DOCK1: variants seen among roughly 807,000 people sequenced by gnomAD.
The protein encoded by DOCK1 is dedicator of cytokinesis 1.
DOCK1 carries 138 observed loss-of-function variants against 262.7 expected under a neutral mutation model. That is an observed-to-expected ratio of 0.53 (90% CI 0.46 to 0.61). The LOEUF (loss-of-function observed/expected upper bound fraction) is 0.61, where lower values mean the gene tolerates loss of function less well. Among genes scored for constraint, DOCK1 ranks in the 20% least tolerant of loss-of-function variants. The pLI is 0.00. For missense variants in DOCK1, 1,908 were observed against 2,370.7 expected (o/e 0.80, Z 4.05); for synonymous variants, 866 against 867.4 (o/e 1.00, Z 0.03).
intron 1 of DOCK1, among the ~76,000 whole-genome samples, chr10:126,962,788 C>T (rs1371522209): frequency 6.6e-6 from 1 of 152,160 alleles, no homozygotes; most frequent in African/African-American, 2.4e-5. Flanking sequence ...ATATAATATC[C>T]AGTAAATCAT....
At chr10:127,077,299 G>T (rs1453171854) in intron 23 of DOCK1, among the ~76,000 whole-genome samples, 14 of 152,092 alleles carry the variant, frequency 9.2e-5, no homozygotes, top group Non-Finnish European at 1.9e-4. Flanking sequence ...GGAGACCGAG[G>T]TGGGAGAATC....
chr10:127,113,178 G>A lies in DOCK1; in HGVS notation c.2623+2824G>A, dbSNP rs543133209. 3.9e-5 allele frequency among the ~76,000 whole-genome samples: 6 copies of A among 152,150 alleles called. No homozygotes were observed. The South Asian group carries it at 1.2e-3, about 32-fold the overall frequency. ...GTACAAATGTGGTTGTTTTTGTCCT[G>A]TTTCCTGATCCCAGTGGAATCAGTC... On this transcript the variant is annotated intron_variant, in intron 25 of 51. Coordinates refer to ENST00000623213, the MANE Select transcript of DOCK1 (RefSeq NM_001290223.2).
chr10:127,189,096 G>T (rs1189670631), intron 27 of DOCK1, among the ~76,000 whole-genome samples: 1 of 152,192 alleles, frequency 6.6e-6, no homozygotes, highest in Admixed American at 6.5e-5. Context: ...GATGTGTTGT[G>T]CATGTGGATG....
At chr10:126,911,461 C>A (rs150408597) in intron 1 of DOCK1, among the ~76,000 whole-genome samples, 1 of 152,150 alleles carries the variant, frequency 6.6e-6, no homozygotes, top group Non-Finnish European at 1.5e-5. Flanking sequence ...GAAGGCTGAC[C>A]GGGCACATGC....
At chr10:127,059,592 A>C (rs995327703) in intron 22 of DOCK1, among the ~76,000 whole-genome samples, 12 of 152,122 alleles carry the variant, frequency 7.9e-5, no homozygotes, top group South Asian at 2.1e-4. Flanking sequence ...CCATCTAATA[A>C]ATTTTTAATT....
At chr10:126,964,791 G>A (rs2037535639) in intron 1 of DOCK1, among the ~76,000 whole-genome samples, 1 of 152,208 alleles carries the variant, frequency 6.6e-6, no homozygotes, top group Admixed American at 6.5e-5. Flanking sequence ...TATCTCCTTA[G>A]ATCAAAAAGA....
intron 23 of DOCK1, among the ~76,000 whole-genome samples, chr10:127,093,212 T>TTCTC (rs2047659414): frequency 8.0e-6 from 1 of 125,666 alleles, no homozygotes; most frequent in African/African-American, 3.6e-5. Flanking sequence ...CTTTCTTTCT[T>TTCTC]TCTTTCTTTT....
chr10:127,431,097 C>T (rs565957564), intron 47 of DOCK1, among the ~76,000 whole-genome samples: 53 of 151,934 alleles, frequency 3.5e-4, no homozygotes, highest in African/African-American at 1.2e-3. Context: ...CTCCGAGTGG[C>T]TCGGGGTTTT....
At chr10:127,139,043 T>C (rs962931047) in intron 27 of DOCK1, among the ~76,000 whole-genome samples, 6 of 152,180 alleles carry the variant, frequency 3.9e-5, no homozygotes, top group Non-Finnish European at 7.3e-5. Context: ...ACCTCTGCGT[T>C]CTGGGCCAGG....
intron 15 of DOCK1, chr10:127,025,366 T>A (rs1256097146): frequency 6.6e-6 from 1 of 152,160 alleles, no homozygotes; most frequent in Non-Finnish European, 1.5e-5. Flanking sequence ...ACAGGAAAGC[T>A]TTTTTGGCGC....
intron 43 of DOCK1, among the ~76,000 whole-genome samples, chr10:127,411,746 G>A (rs371955696): frequency 1.3e-5 from 2 of 152,030 alleles, no homozygotes; most frequent in African/African-American, 4.8e-5. Context: ...AGGCTGAGGC[G>A]GGAGAATCGC....
chr10:127,015,264 TC>T (rs2041779551), intron 12 of DOCK1: 1 of 152,054 alleles, frequency 6.6e-6, no homozygotes, highest in African/African-American at 2.4e-5. Context: ...TCTGTCTCTG[TC>T]TATGTGGCCT....
intron 1 of DOCK1, among the ~76,000 whole-genome samples, chr10:126,939,651 G>A (rs946608100): frequency 1.3e-5 from 2 of 152,074 alleles, no homozygotes; most frequent in South Asian, 2.1e-4. Flanking sequence ...GTGAGCCACC[G>A]CGCCTGACCC....
chr10:126,945,471 GGGAGA>G (rs2035326209), intron 1 of DOCK1, among the ~76,000 whole-genome samples: 1 of 151,288 alleles, frequency 6.6e-6, no homozygotes, highest in Non-Finnish European at 1.5e-5. Flanking sequence ...GAGAGAGAGA[GGGAGA>G]GAGAGAGAGA....
chr10:127,313,228 T>A (rs1287400586), intron 29 of DOCK1, among the ~76,000 whole-genome samples: 1 of 151,832 alleles, frequency 6.6e-6, no homozygotes, highest in African/African-American at 2.4e-5. Context: ...ACCCCTCACC[T>A]CCCCTCAGAG....
intron 27 of DOCK1, among the ~76,000 whole-genome samples, chr10:127,194,968 C>CA (rs534342016): frequency 1.3e-5 from 2 of 152,280 alleles, no homozygotes; most frequent in South Asian, 4.1e-4. Flanking sequence ...AGACCAACAG[C>CA]AGGAGAGGGG....
At chr10:127,235,584 A>T (rs1398257589) in intron 27 of DOCK1, among the ~76,000 whole-genome samples, 1 of 152,188 alleles carries the variant, frequency 6.6e-6, no homozygotes, top group Non-Finnish European at 1.5e-5. Flanking sequence ...AGAAAGCTCT[A>T]TAAATACTTG....
chr10:127,133,299 A>G (rs2050436283), intron 27 of DOCK1, among the ~76,000 whole-genome samples: 1 of 152,240 alleles, frequency 6.6e-6, no homozygotes, highest in Non-Finnish European at 1.5e-5. Flanking sequence ...ATCCCCATGC[A>G]TGAGCATTCA....
chr10:126,957,935 C>G (rs2036879815), intron 1 of DOCK1, among the ~76,000 whole-genome samples: 4 of 152,168 alleles, frequency 2.6e-5, no homozygotes, highest in African/African-American at 9.7e-5. Flanking sequence ...TCATGTGGCT[C>G]AAAATGTTGA....
Sources: gnomAD v4.1 joint callset for allele counts (sites outside exome capture counted in the v4.1 genomes callset) on GRCh38, gnomAD v4.1.1 for gene constraint, MANE v1.5 for transcripts, NCBI Gene and HGNC (gene_info 2026-07-23, HGNC 2026-07-21) for gene names.